STK33: variants seen among roughly 807,000 people sequenced by gnomAD.
STK33 encodes serine/threonine-protein kinase 33.
A neutral mutation model predicts 58.0 loss-of-function variants in STK33; 52 were observed. The ratio of observed to expected loss-of-function variants is 0.90; its 90% CI spans 0.72 to 1.13. STK33 has a LOEUF of 1.13. Among genes scored for constraint, STK33 ranks in the 50% most tolerant of loss-of-function variants. The probability of loss-of-function intolerance (pLI) is 0.00; values close to 1 mark genes in which losing one functional copy is unlikely to be tolerated. For missense variants in STK33, 630 were observed against 604.2 expected (o/e 1.04, Z -0.45); for synonymous variants, 215 against 200.1 (o/e 1.07, Z -0.63).
At chr11:8,366,595 C>A in the STK33 span, among the ~76,000 whole-genome samples, 5 of 152,146 alleles carry the variant, frequency 3.3e-5, no homozygotes, top group African/African-American at 1.2e-4. Context: ...CCTTTCCCCT[C>A]TGTGCTCTGC....
the STK33 span, among the ~76,000 whole-genome samples, chr11:8,340,152 A>C: frequency 1.4e-4 from 21 of 150,646 alleles, no homozygotes; most frequent in South Asian, 4.4e-3. Flanking sequence ...CTTCTATTTG[A>C]GCAAACACAA....
chr11:8,375,580 C>A, the STK33 span, among the ~76,000 whole-genome samples: 1 of 152,192 alleles, frequency 6.6e-6, no homozygotes, highest in Non-Finnish European at 1.5e-5. Context: ...AGTTCACACA[C>A]GGTGCCAGCA....
intron 1 of STK33, among the ~76,000 whole-genome samples, chr11:8,498,671 T>C (rs989480170): frequency 2.6e-5 from 4 of 152,110 alleles, no homozygotes; most frequent in African/African-American, 9.7e-5. Context: ...TCACACTACC[T>C]AACTTCAAAC....
chr11:8,457,265 C>A (rs1345010170), intron 9 of STK33, 76 bp downstream of exon 9: 2 of 1,302,688 alleles, frequency 1.5e-6, no homozygotes, highest in Admixed American at 2.4e-5. Context: ...GACTATGAAT[C>A]TGGAATACAA....
At chr11:8,592,621 A>AT (rs910862883) in intron 1 of STK33, among the ~76,000 whole-genome samples, 115 of 150,754 alleles carry the variant, frequency 7.6e-4, no homozygotes, top group African/African-American at 2.2e-3. Context: ...CTGTTTTTTT[A>AT]TTTTTTTTTG....
chr11:8,588,314 A>G (rs1191279093), intron 1 of STK33, among the ~76,000 whole-genome samples: 1 of 152,196 alleles, frequency 6.6e-6, no homozygotes, highest in Admixed American at 6.5e-5. Context: ...AGCAATATGG[A>G]ATGTTCCTTT....
chr11:8,574,296 GATATTA>G (rs1340029287), intron 1 of STK33, among the ~76,000 whole-genome samples: 1 of 152,144 alleles, frequency 6.6e-6, no homozygotes, highest in African/African-American at 2.4e-5. Flanking sequence ...AGTTATGCAA[GATATTA>G]ATATTGAGGG....
intron 14 of STK33, among the ~76,000 whole-genome samples, chr11:8,423,711 C>T (rs926118941): frequency 6.6e-6 from 1 of 151,994 alleles, no homozygotes; most frequent in Non-Finnish European, 1.5e-5. Flanking sequence ...GTGTATGTGT[C>T]TACTAGAATA....
chr11:8,344,294 A>C, the STK33 span, among the ~76,000 whole-genome samples: 24 of 152,128 alleles, frequency 1.6e-4, no homozygotes, highest in African/African-American at 5.8e-4. Flanking sequence ...AGCCAGGAGG[A>C]TCACTTTAGC....
chr11:8,430,761 T>C (rs1401353250), intron 14 of STK33, among the ~76,000 whole-genome samples: 2 of 152,104 alleles, frequency 1.3e-5, no homozygotes, highest in African/African-American at 2.4e-5. Context: ...CCAAAGCACA[T>C]AGTAGCTATC....
intron 15 of STK33, among the ~76,000 whole-genome samples, chr11:8,396,167 A>C (rs1849303537): frequency 6.6e-6 from 1 of 152,102 alleles, no homozygotes; most frequent in Admixed American, 6.5e-5. Context: ...GCAATGACAC[A>C]ATCTAGGCTC....
chr11:8,480,685 T>G (rs1949723620), intron 1 of STK33, 71 bp from the exon 2 acceptor site: 1 of 152,148 alleles, frequency 6.6e-6, no homozygotes, highest in Non-Finnish European at 1.5e-5. Context: ...CGCCTTCCCC[T>G]TCATGAAATC....
intron 14 of STK33, among the ~76,000 whole-genome samples, chr11:8,425,868 G>T (rs551481047): frequency 6.6e-6 from 1 of 152,090 alleles, no homozygotes; most frequent in South Asian, 2.1e-4. Flanking sequence ...TCTGTGTCCC[G>T]CGGCTCAAAC....
intron 14 of STK33, among the ~76,000 whole-genome samples, chr11:8,422,466 T>C (rs1942065004): frequency 6.6e-6 from 1 of 152,268 alleles, no homozygotes; most frequent in Non-Finnish European, 1.5e-5. Flanking sequence ...TTAGAAGGTA[T>C]AGTCTTAGGA....
chr11:8,567,297 T>C (rs977864987), intron 1 of STK33: 4 of 152,138 alleles, frequency 2.6e-5, no homozygotes, highest in African/African-American at 4.8e-5. Context: ...TCCCCATCTG[T>C]AAAATGAAAA....
the STK33 span, among the ~76,000 whole-genome samples, chr11:8,351,236 C>G: frequency 6.6e-5 from 10 of 152,330 alleles, no homozygotes; most frequent in Admixed American, 2.6e-4. Context: ...TGACCCCTGA[C>G]CTGAATCTGG....
the STK33 span, among the ~76,000 whole-genome samples, chr11:8,362,861 T>C: frequency 6.6e-6 from 1 of 151,720 alleles, no homozygotes; most frequent in Admixed American, 6.6e-5. Flanking sequence ...CCTCTCTCCC[T>C]CCCTCTCTTC....
intron 1 of STK33, among the ~76,000 whole-genome samples, chr11:8,503,584 G>C (rs919281461): frequency 6.6e-6 from 1 of 152,154 alleles, no homozygotes; most frequent in East Asian, 1.9e-4. Context: ...ACTTATTTAT[G>C]TAACAAACCT....
chr11:8,444,957 C>A (rs762402207), intron 11 of STK33, among the ~76,000 whole-genome samples: 1 of 151,998 alleles, frequency 6.6e-6, no homozygotes, highest in Admixed American at 6.6e-5. Context: ...GGGGATAGCA[C>A]GAAATCTATA....
Sources: gnomAD v4.1 joint callset for allele counts (sites outside exome capture counted in the v4.1 genomes callset) on GRCh38, gnomAD v4.1.1 for gene constraint, MANE v1.5 for transcripts, NCBI Gene and HGNC (gene_info 2026-07-23, HGNC 2026-07-21) for gene names.